WDPCP: variants seen among roughly 807,000 people sequenced by gnomAD.
WDPCP encodes the protein WD repeat-containing and planar cell polarity effector protein fritz homolog.
In WDPCP, 71 loss-of-function variants were observed where a neutral mutation model predicts 93.1. The ratio of observed to expected loss-of-function variants is 0.76; its 90% confidence interval spans 0.63 to 0.93. The LOEUF (loss-of-function observed/expected upper bound fraction) is 0.93, where lower values mean the gene tolerates loss of function less well. Ranked by LOEUF, WDPCP falls within the 40% of genes least tolerant of loss-of-function variation. The pLI is 0.00. For missense variants in WDPCP, 844 were observed against 887.4 expected (o/e 0.95, Z 0.62); for synonymous variants, 315 against 315.0 (o/e 1.00, Z 0.00).
upstream of WDPCP, among the ~76,000 whole-genome samples, chr2:63,591,136 G>A (rs1414050744): frequency 1.3e-5 from 2 of 152,230 alleles, no homozygotes; most frequent in Non-Finnish European, 2.9e-5. Flanking sequence ...AAAGTCATTG[G>A]TGCCCTGCTA....
chr2:63,399,630 G>C (rs1010880941), intron 10 of WDPCP, among the ~76,000 whole-genome samples: 18 of 149,826 alleles, frequency 1.2e-4, no homozygotes, highest in African/African-American at 3.9e-4. Context: ...GAGAGAGACA[G>C]AGTATGTGAG....
intron 2 of WDPCP, among the ~76,000 whole-genome samples, chr2:63,692,631 G>A (rs17619354): frequency 0.2 from 29,780 of 152,068 alleles, 3,755 homozygotes; most frequent in Non-Finnish European, 0.26. Context: ...GTTTAGAAAA[G>A]TGACTGTACT....
At chr2:63,392,297 A>T (rs920707341) in intron 10 of WDPCP, among the ~76,000 whole-genome samples, 1 of 152,234 alleles carries the variant, frequency 6.6e-6, no homozygotes, top group African/African-American at 2.4e-5. Context: ...AGGATTCCCT[A>T]TTTAATAAAT....
the WDPCP span, among the ~76,000 whole-genome samples, chr2:63,840,565 C>T: frequency 3.3e-5 from 5 of 152,196 alleles, no homozygotes; most frequent in Admixed American, 1.3e-4. Flanking sequence ...GCATCCTCAC[C>T]CTCCCCCAAC....
chr2:63,324,316 C>T (rs1227492278), intron 12 of WDPCP, among the ~76,000 whole-genome samples: 1 of 152,110 alleles, frequency 6.6e-6, no homozygotes, highest in African/African-American at 2.4e-5. Flanking sequence ...TATGGCTCCC[C>T]CTCCTATTAA....
intron 10 of WDPCP, among the ~76,000 whole-genome samples, chr2:63,382,316 T>C (rs1692381985): frequency 6.6e-6 from 1 of 152,102 alleles, no homozygotes; most frequent in South Asian, 2.1e-4. Flanking sequence ...ACTTTTACTC[T>C]TAGGACCAAG....
intron 1 of WDPCP, among the ~76,000 whole-genome samples, chr2:63,507,416 G>A (rs1478516136): frequency 1.3e-5 from 2 of 152,026 alleles, no homozygotes; most frequent in African/African-American, 4.8e-5. Flanking sequence ...TCACTTGAGT[G>A]TGAGGTTAGA....
chr2:63,365,503 T>C (rs1428608444), intron 12 of WDPCP, among the ~76,000 whole-genome samples: 1 of 152,140 alleles, frequency 6.6e-6, no homozygotes, highest in Non-Finnish European at 1.5e-5. Flanking sequence ...AAAATTAAAT[T>C]CCCATTCTTA....
At chr2:63,700,060 TGGATGTGTTGAGCCCA>T (rs1669022359) in intron 2 of WDPCP, among the ~76,000 whole-genome samples, 1 of 151,922 alleles carries the variant, frequency 6.6e-6, no homozygotes, top group Non-Finnish European at 1.5e-5. Context: ...CTGAGGCAGA[TGGATGTGTTGAGCCCA>T]GGAGTTTGAC....
intron 14 of WDPCP, among the ~76,000 whole-genome samples, chr2:63,186,911 T>C (rs527577325): frequency 1.1e-4 from 16 of 152,230 alleles, no homozygotes; most frequent in African/African-American, 3.6e-4. Context: ...ATTTCTTTAT[T>C]GATCTTATCT....
rs560530880 is a variant in WDPCP at position 63,484,690 on chromosome 2, C to G, written c.325-27G>C. 6.8e-5 allele frequency: 110 copies of G among 1,612,284 alleles called. No individual in the cohort carries two copies. The South Asian group carries it at 1.2e-3, about 18-fold the overall frequency. On this transcript the variant is annotated intron_variant, in intron 5 of 17. Coordinates refer to ENST00000272321, the MANE Select transcript of WDPCP (RefSeq NM_015910.7). ...TGAAGCACAACAGAAAAAGAGAGAG[C>G]GTAGTTGGCTGTACACATTGTCATT...
intron 1 of WDPCP, among the ~76,000 whole-genome samples, chr2:63,511,126 T>G (rs998213159): frequency 6.6e-6 from 1 of 152,186 alleles, no homozygotes; most frequent in Non-Finnish European, 1.5e-5. Flanking sequence ...AGCCAAATCA[T>G]GAGCAAACCC....
intron 13 of WDPCP, among the ~76,000 whole-genome samples, chr2:63,309,126 G>C (rs1220364085): frequency 6.6e-6 from 1 of 152,100 alleles, no homozygotes; most frequent in Non-Finnish European, 1.5e-5. Flanking sequence ...AGAGGAGTAA[G>C]GGTTAGAAAT....
chr2:63,483,622 T>C (rs184969230), intron 6 of WDPCP, among the ~76,000 whole-genome samples: 1 of 152,056 alleles, frequency 6.6e-6, no homozygotes, highest in Non-Finnish European at 1.5e-5. Flanking sequence ...TTTGACGTTG[T>C]AGCTTTATGA....
At chr2:63,611,589 A>G (rs761878405) in intron 3 of WDPCP, among the ~76,000 whole-genome samples, 2 of 152,200 alleles carry the variant, frequency 1.3e-5, no homozygotes, top group Non-Finnish European at 2.9e-5. Flanking sequence ...ATAAGTTCCT[A>G]GTTGTCCTTG....
At chr2:63,554,935 AC>A (rs1167732709) in intron 1 of WDPCP, among the ~76,000 whole-genome samples, 2 of 152,128 alleles carry the variant, frequency 1.3e-5, no homozygotes, top group Non-Finnish European at 2.9e-5. Flanking sequence ...AAATTGTGCT[AC>A]CCTGCCCAAG....
At chr2:63,318,807 G>T (rs182288005) in intron 12 of WDPCP, among the ~76,000 whole-genome samples, 1 of 152,018 alleles carries the variant, frequency 6.6e-6, no homozygotes, top group Non-Finnish European at 1.5e-5. Context: ...AGTACCTATC[G>T]AATACTATGC....
At chr2:63,825,662 T>C (rs988291475) in intron 1 of WDPCP, among the ~76,000 whole-genome samples, 1 of 151,892 alleles carries the variant, frequency 6.6e-6, no homozygotes, top group African/African-American at 2.4e-5. Flanking sequence ...CACCCAGGAA[T>C]TGAGGTTGAT....
chr2:63,246,871 A>C (rs902753742), intron 14 of WDPCP, among the ~76,000 whole-genome samples: 2 of 152,204 alleles, frequency 1.3e-5, no homozygotes, highest in African/African-American at 4.8e-5. Context: ...TTCATTGACC[A>C]ATGGTGAAAT....
Sources: gnomAD v4.1 joint callset for allele counts (sites outside exome capture counted in the v4.1 genomes callset) on GRCh38, gnomAD v4.1.1 for gene constraint, MANE v1.5 for transcripts, NCBI Gene and HGNC (gene_info 2026-07-23, HGNC 2026-07-21) for gene names.